The following GAS2 variants were observed in gnomAD, a reference collection of about 807,000 sequenced individuals.
GAS2 encodes the protein growth arrest specific 2.
Under a neutral mutation model 37.5 loss-of-function variants are expected in GAS2, and 20 were observed. That is an observed-to-expected ratio of 0.53 (90% confidence interval 0.37 to 0.77). GAS2 has a LOEUF of 0.77. Ranked by LOEUF, GAS2 falls within the 30% of genes least tolerant of loss-of-function variation. The probability of loss-of-function intolerance (pLI) is 0.00; values close to 1 mark genes in which losing one functional copy is unlikely to be tolerated. For synonymous variants in GAS2, 144 were observed against 132.2 expected, an observed-to-expected ratio of 1.09 and a Z score of -0.61; for missense variants, 336 against 373.4, an observed-to-expected ratio of 0.90 and a Z score of 0.82.
intron 7 of GAS2, among the ~76,000 whole-genome samples, chr11:22,783,293 G>C (rs557769805): frequency 3.3e-5 from 5 of 152,170 alleles, no homozygotes; most frequent in African/African-American, 4.8e-5. Flanking sequence ...GGGGCTATTT[G>C]TTTTTTGCCT....
At chr11:22,691,623 C>G (rs556670494) in intron 3 of GAS2, among the ~76,000 whole-genome samples, 334 of 151,996 alleles carry the variant, frequency 2.2e-3, no homozygotes, top group African/African-American at 6.9e-3. Flanking sequence ...AAACATAATG[C>G]TAGAATTAAA....
At chr11:22,627,327 A>T (rs1194742115) in intron 1 of GAS2, among the ~76,000 whole-genome samples, 1 of 152,228 alleles carries the variant, frequency 6.6e-6, no homozygotes, top group East Asian at 1.9e-4. Context: ...TTTAGTAGTA[A>T]AATAAATGCA....
chr11:22,732,488 C>T (rs939080230), intron 4 of GAS2, among the ~76,000 whole-genome samples: 1 of 151,740 alleles, frequency 6.6e-6, no homozygotes, highest in Non-Finnish European at 1.5e-5. Context: ...CATTATTGAG[C>T]TTGTGAGATT....
intron 1 of GAS2, among the ~76,000 whole-genome samples, chr11:22,656,940 A>C (rs886187042): frequency 1.3e-5 from 2 of 152,218 alleles, no homozygotes; most frequent in Non-Finnish European, 2.9e-5. Flanking sequence ...TTGAGATAAC[A>C]TACAGAAATT....
At chr11:22,794,641 T>C (rs572392840) in intron 7 of GAS2, among the ~76,000 whole-genome samples, 108 of 152,326 alleles carry the variant, frequency 7.1e-4, no homozygotes, top group African/African-American at 1.8e-3. Context: ...GTAAATATTA[T>C]AGTGCACCAT....
chr11:22,790,758 C>A (rs753071372), intron 7 of GAS2, among the ~76,000 whole-genome samples: 15 of 151,916 alleles, frequency 9.9e-5, no homozygotes, highest in Admixed American at 2.0e-4. Context: ...CCACCACACC[C>A]AGCTTTCAGT....
At chr11:22,717,977 G>T (rs1423951513) in intron 3 of GAS2, among the ~76,000 whole-genome samples, 5 of 152,008 alleles carry the variant, frequency 3.3e-5, no homozygotes, top group South Asian at 2.1e-4. Context: ...ATAGATGTTG[G>T]CATGGCTATG....
chr11:22,711,443 T>G (rs968453735), intron 3 of GAS2, among the ~76,000 whole-genome samples: 1 of 152,068 alleles, frequency 6.6e-6, no homozygotes, highest in African/African-American at 2.4e-5. Context: ...TAGGTGAACT[T>G]TGTAATAATT....
At chr11:22,705,319 G>C (rs1273198007) in intron 3 of GAS2, among the ~76,000 whole-genome samples, 1 of 152,088 alleles carries the variant, frequency 6.6e-6, no homozygotes, top group Non-Finnish European at 1.5e-5. Flanking sequence ...TATTTTCCCA[G>C]GGGTGTGTAT....
chr11:22,656,892 A>G (rs936566005), intron 1 of GAS2, among the ~76,000 whole-genome samples: 2 of 152,190 alleles, frequency 1.3e-5, no homozygotes, highest in Non-Finnish European at 2.9e-5. Flanking sequence ...CATATATTTT[A>G]CACGTCATTT....
At chr11:22,772,162 G>T (rs1855012228) in intron 7 of GAS2, among the ~76,000 whole-genome samples, 1 of 152,038 alleles carries the variant, frequency 6.6e-6, no homozygotes, top group Non-Finnish European at 1.5e-5. Flanking sequence ...GACTTATGAA[G>T]CAAGTTACTT....
chr11:22,796,479 T>C (rs1004084471), intron 7 of GAS2, among the ~76,000 whole-genome samples: 3 of 152,164 alleles, frequency 2.0e-5, no homozygotes, highest in Non-Finnish European at 4.4e-5. Flanking sequence ...TCCTTTGACT[T>C]TGTAACATTT....
At chr11:22,810,146 C>A (rs1246487665) in intron 7 of GAS2, among the ~76,000 whole-genome samples, 1 of 152,134 alleles carries the variant, frequency 6.6e-6, no homozygotes, top group East Asian at 1.9e-4. Context: ...GGTGATCAGT[C>A]TCAAATCCAT....
upstream of GAS2, among the ~76,000 whole-genome samples, chr11:22,665,452 A>G (rs2133850276): frequency 6.6e-6 from 1 of 152,122 alleles, no homozygotes; most frequent in Non-Finnish European, 1.5e-5. Flanking sequence ...GTTTACTAAA[A>G]CTCATCAGTA....
intron 2 of GAS2, among the ~76,000 whole-genome samples, chr11:22,682,888 G>GAAAAAAAAAAAAAAAAAAAGAA (rs57025584): frequency 2.0e-5 from 2 of 102,366 alleles, no homozygotes; most frequent in Non-Finnish European, 4.1e-5. Flanking sequence ...AAAAAAAAAG[G>GAAAAAAAAAAAAAAAAAAAGAA]AAAAAAAAAA....
intron 3 of GAS2, among the ~76,000 whole-genome samples, chr11:22,720,167 CT>C (rs1851879508): frequency 6.6e-6 from 1 of 151,956 alleles, no homozygotes; most frequent in South Asian, 2.1e-4. Context: ...TTTATATTTC[CT>C]TTTTGTGTAT....
chr11:22,810,063 G>A (rs1308784678), intron 7 of GAS2, among the ~76,000 whole-genome samples: 1 of 152,166 alleles, frequency 6.6e-6, no homozygotes, highest in East Asian at 1.9e-4. Flanking sequence ...TCACTGCATA[G>A]AACGCCAGTC....
At chr11:22,651,148 T>A (rs1848770332) in intron 1 of GAS2, among the ~76,000 whole-genome samples, 1 of 151,370 alleles carries the variant, frequency 6.6e-6, no homozygotes, top group South Asian at 2.1e-4. Context: ...TGCTTATCTG[T>A]AAAGTATTTT....
At chr11:22,627,306 G>A (rs1291955924) in intron 1 of GAS2, among the ~76,000 whole-genome samples, 1 of 152,164 alleles carries the variant, frequency 6.6e-6, no homozygotes, top group Non-Finnish European at 1.5e-5. Flanking sequence ...CATAGTATGA[G>A]GTGCTACAGA....
Sources: allele counts gnomAD v4.1 joint callset (sites outside exome capture counted in the v4.1 genomes callset), GRCh38; gene constraint gnomAD v4.1.1; transcripts MANE v1.5; gene names NCBI Gene and HGNC (gene_info 2026-07-23, HGNC 2026-07-21).